Variants in SEC23B observed in about 807,000 individuals in gnomAD.
The protein encoded by SEC23B is protein transport protein Sec23B.
Under a neutral mutation model 104.3 loss-of-function variants are expected in SEC23B, and 77 were observed. The ratio of observed to expected loss-of-function variants is 0.74; its 90% CI spans 0.61 to 0.89. The LOEUF is 0.89. Ranked by LOEUF, SEC23B falls within the 40% of genes least tolerant of loss-of-function variation. The pLI, the probability that SEC23B is intolerant of heterozygous loss-of-function variation, is 0.00. For synonymous variants in SEC23B, 338 were observed against 332.5 expected (o/e 1.02, Z -0.18); for missense variants, 885 against 949.4 (o/e 0.93, Z 0.89).
rs1323293478 is a variant in SEC23B, at chr20:18,524,550, G to A, written c.484G>A (p.Ala162Thr). ...QMSLSLLPPD[A>T]LVGLITFGRM... Reference sequence around the variant, plus strand: ...GTCCCTGAGTCTTCTTCCTCCAGATGCTCTGGTGGGTCTGATCACATTTGG... The same window carrying A: ...GTCCCTGAGTCTTCTTCCTCCAGATACTCTGGTGGGTCTGATCACATTTGG... Residue 162 changes from alanine (A) to threonine (T), a missense_variant, in exon 5 of 20, where the codon GCT (alanine) becomes ACT (threonine). Transcript: ENST00000650089. The A allele has an allele frequency of 6.2e-7, 1 of 1,613,896 alleles. No homozygotes were observed. Among genetic ancestry groups the A allele is most frequent in the Non-Finnish European group, 8.5e-7 (1 of 1,179,756 alleles).
At chr20:18,554,842 A>T (rs76128331) in intron 18 of SEC23B, among the ~76,000 whole-genome samples, 1 of 151,688 alleles carries the variant, frequency 6.6e-6, no homozygotes, top group Non-Finnish European at 1.5e-5. Flanking sequence ...AAAAAAAAAA[A>T]TGAGTGGTCA....
At chr20:18,511,970 T>C (rs1305642655) in intron 2 of SEC23B, among the ~76,000 whole-genome samples, 2 of 152,146 alleles carry the variant, frequency 1.3e-5, no homozygotes, top group African/African-American at 2.4e-5. Flanking sequence ...TTTAAAAAAT[T>C]AGGAAATTGG....
intron 19 of SEC23B, among the ~76,000 whole-genome samples, chr20:18,559,557 G>T (rs2060473912): frequency 6.6e-6 from 1 of 152,168 alleles, no homozygotes; most frequent in Admixed American, 6.5e-5. Flanking sequence ...GTTCAGGTGG[G>T]TCAGGGCCAC....
intron 14 of SEC23B, among the ~76,000 whole-genome samples, chr20:18,545,543 G>A (rs2060324408): frequency 1.3e-5 from 2 of 152,204 alleles, no homozygotes; most frequent in South Asian, 4.1e-4. Flanking sequence ...AAACATTGTG[G>A]TTCAGAAGTC....
chr20:18,540,334 G>A (rs976442810), intron 12 of SEC23B, among the ~76,000 whole-genome samples: 4 of 152,220 alleles, frequency 2.6e-5, no homozygotes, highest in Admixed American at 1.3e-4. Context: ...GAGCTCTTGA[G>A]TGACCAGGTG....
chr20:18,539,379 G>A (rs1448459904), intron 12 of SEC23B, among the ~76,000 whole-genome samples: 7 of 150,578 alleles, frequency 4.6e-5, no homozygotes, highest in South Asian at 2.1e-4. Context: ...GTGTGGTGGC[G>A]GGTGCCTATA....
intron 3 of SEC23B, among the ~76,000 whole-genome samples, chr20:18,513,157 C>G (rs2059995659): frequency 6.6e-6 from 1 of 152,010 alleles, no homozygotes; most frequent in African/African-American, 2.4e-5. Flanking sequence ...GCACTCCAGC[C>G]TGGCAACAGA....
In SEC23B at chr20:18,554,335, T is replaced by C. The variant is rs769326503; in HGVS notation, c.2093T>C (p.Leu698Pro). ...CCACTGGATGATGCTCAAGAAATTCTGCAAGCACGCTTCCCGATGCCACGT... is the reference window on the plus strand; with the variant it reads ...CCACTGGATGATGCTCAAGAAATTCCGCAAGCACGCTTCCCGATGCCACGT... The part of the protein sequence containing the change: ...QAPLDDAQEI[L>P]QARFPMPRYI... Residue 698 changes from leucine to proline, a missense_variant, in exon 18 of 20, where the codon CTG becomes CCG. Leu to Pro is a moderately conservative substitution (Grantham distance 98). Coordinates refer to ENST00000650089, the MANE Select transcript of SEC23B (RefSeq NM_006363.6). The C allele has an allele frequency of 1.1e-5, 18 of 1,614,098 alleles. No individual in the cohort carries two copies.
chr20:18,551,171 G>C lies in SEC23B; in HGVS notation c.1988G>C (p.Gly663Ala). The C allele has an allele frequency of 6.5e-7, 1 of 1,540,536 alleles. No individual in the cohort carries two copies. Among genetic ancestry groups the C allele is most frequent in the African/African-American group, 1.4e-5 (1 of 73,702 alleles). ...DTFFQIVIYLGETIAQWRKAG... is the reference protein window; with the variant it reads ...DTFFQIVIYLAETIAQWRKAG... ...TTCTTTCAAATTGTCATTTATCTTG[G>C]TGAGGTAAGATGATATTATTAATTA... is the stretch of plus-strand genomic sequence containing the variant. The change falls in exon 17 of 20, where the codon GGT becomes GCT. Residue 663 changes from glycine (G) to alanine (A), a missense_variant. Coordinates refer to ENST00000650089, the MANE Select transcript of SEC23B (RefSeq NM_006363.6).
At chr20:18,526,331 T>C (rs1177947523) in intron 7 of SEC23B, 42 bp from the exon 8 acceptor site, 2 of 1,607,016 alleles carry the variant, frequency 1.2e-6, no homozygotes, top group East Asian at 2.2e-5. Flanking sequence ...TACTAAAAGG[T>C]GAGGCTGTAT....
At chr20:18,551,413 A>G (rs1218240500) in intron 17 of SEC23B, among the ~76,000 whole-genome samples, 2 of 152,084 alleles carry the variant, frequency 1.3e-5, no homozygotes, top group Non-Finnish European at 2.9e-5. Context: ...AATTTTAATC[A>G]TATTTGCTGT....
chr20:18,543,984 G>A (rs1222020209), intron 14 of SEC23B, among the ~76,000 whole-genome samples: 2 of 152,122 alleles, frequency 1.3e-5, no homozygotes, highest in Admixed American at 1.3e-4. Context: ...CCTGGCACCC[G>A]GGAAGCTGCT....
At chr20:18,549,866 T>C (rs6075361) in intron 16 of SEC23B, among the ~76,000 whole-genome samples, 140,203 of 151,786 alleles carry the variant, frequency 0.92, 65,663 homozygotes, top group East Asian at 1. Context: ...CCCAGCTACT[T>C]GGGAGGCTGA....
chr20:18,552,299 T>C (rs980165623), intron 17 of SEC23B, among the ~76,000 whole-genome samples: 13 of 152,192 alleles, frequency 8.5e-5, no homozygotes, highest in African/African-American at 3.1e-4. Context: ...TTAAACTTTT[T>C]TCAGCATGTT....
intron 8 of SEC23B, 131 bp from the exon 9 acceptor site, chr20:18,527,365 G>C: frequency 1.4e-6 from 1 of 728,444 alleles, no homozygotes; most frequent in Non-Finnish European, 2.5e-6. Context: ...GCAACAGAGA[G>C]AGACTCTGTC....
intron 12 of SEC23B, 87 bp from the exon 13 acceptor site, chr20:18,542,209 C>G: frequency 9.0e-7 from 1 of 1,107,248 alleles, no homozygotes; most frequent in Non-Finnish European, 1.4e-6. Context: ...ATTGCTGTGT[C>G]AGTCATTTTA....
Position 18,526,470 on chromosome 20 carries a change from C to T in SEC23B, c.932C>T (p.Pro311Leu), listed in dbSNP as rs538850117. ...GMVVGDELKI[P>L]IRSWHDIEKD... The stretch of plus-strand genomic sequence containing the variant: ...GTGGTTGGAGATGAATTAAAGATTC[C>T]TATTCGTTCTTGGCATGATATTGAG... The change falls in exon 8 of 20, where the codon CCT becomes CTT. Residue 311 changes from proline (P) to leucine (L), a missense_variant. Coordinates refer to ENST00000650089, the MANE Select transcript of SEC23B (RefSeq NM_006363.6). 2 of 1,614,174 alleles carry T rather than the reference C, an allele frequency of 1.2e-6. No individual in the cohort carries two copies. The highest frequency in any genetic ancestry group is 1.7e-5 in the Admixed American group (1 of 60,022).
chr20:18,535,354 A>C (rs887661013), intron 11 of SEC23B, among the ~76,000 whole-genome samples: 1 of 152,164 alleles, frequency 6.6e-6, no homozygotes, highest in Non-Finnish European at 1.5e-5. Context: ...CAGCCTGGGC[A>C]ACAGAGTGAG....
At chr20:18,510,509 A>G (rs2033910041) in intron 1 of SEC23B, among the ~76,000 whole-genome samples, 1 of 152,232 alleles carries the variant, frequency 6.6e-6, no homozygotes. Context: ...TCACGCCTGT[A>G]ATCCCAGCAC....
Sources: gnomAD v4.1 joint callset for allele counts (sites outside exome capture counted in the v4.1 genomes callset) on GRCh38, gnomAD v4.1.1 for gene constraint, MANE v1.5 for transcripts, NCBI Gene and HGNC (gene_info 2026-07-23, HGNC 2026-07-21) for gene names.